Variants in TENM3 observed in about 807,000 individuals in gnomAD.
The protein encoded by TENM3 is teneurin transmembrane protein 3.
In TENM3, 63 loss-of-function variants were observed where a neutral mutation model predicts 255.1. That is an observed-to-expected ratio of 0.25 (90% confidence interval 0.20 to 0.30). The LOEUF is 0.30. Ranked by LOEUF, TENM3 falls within the 10% of genes least tolerant of loss-of-function variation. TENM3 has a pLI of 1.00. For missense variants in TENM3, 2,929 were observed against 3,461.1 expected (o/e 0.85, Z 3.86); for synonymous variants, 1,306 against 1,322.3 (o/e 0.99, Z 0.27).
At chr4:182,109,823 T>G in the TENM3 span, among the ~76,000 whole-genome samples, 1 of 152,206 alleles carries the variant, frequency 6.6e-6, no homozygotes, top group African/African-American at 2.4e-5. Flanking sequence ...GGATGAGGCT[T>G]AGAAATCATG....
the TENM3 span, among the ~76,000 whole-genome samples, chr4:181,479,435 A>G: frequency 6.6e-6 from 1 of 152,222 alleles, no homozygotes; most frequent in Non-Finnish European, 1.5e-5. Flanking sequence ...GGTCTTTGCC[A>G]GAGGACTTAA....
At chr4:181,781,522 A>C in the TENM3 span, among the ~76,000 whole-genome samples, 4 of 152,204 alleles carry the variant, frequency 2.6e-5, no homozygotes, top group Non-Finnish European at 5.9e-5. Context: ...TTTGGGGCTG[A>C]GATGATGGGG....
chr4:182,371,229 T>TCACACACACACACACA (rs3221610), intron 3 of TENM3, among the ~76,000 whole-genome samples: 24 of 144,312 alleles, frequency 1.7e-4, no homozygotes, highest in Non-Finnish European at 2.4e-4. Flanking sequence ...CTCCTCCCCA[T>TCACACACACACACACA]CACACACACA....
At chr4:182,258,590 G>T (rs1042515924) in intron 1 of TENM3, among the ~76,000 whole-genome samples, 6 of 152,014 alleles carry the variant, frequency 3.9e-5, no homozygotes, top group African/African-American at 7.2e-5. Context: ...TCAAAGAACA[G>T]GTATTGTTAT....
the TENM3 span, among the ~76,000 whole-genome samples, chr4:181,906,842 A>T: frequency 1.8e-3 from 280 of 152,168 alleles, 1 homozygote; most frequent in South Asian, 0.021. Context: ...CCACCACTGT[A>T]CTAGGCTTCT....
At chr4:181,730,294 C>T in the TENM3 span, among the ~76,000 whole-genome samples, 1 of 152,180 alleles carries the variant, frequency 6.6e-6, no homozygotes, top group Non-Finnish European at 1.5e-5. Flanking sequence ...CTTTGGTGCA[C>T]AGTCTCTAGA....
At chr4:182,243,271 C>A (rs149418510), upstream of TENM3, among the ~76,000 whole-genome samples, 193 of 152,262 alleles carry the variant, frequency 1.3e-3, 1 homozygote, top group East Asian at 0.023. Context: ...TGCACCACCA[C>A]GCCCAGATAA....
At chr4:182,529,155 A>T (rs1435279065) in intron 3 of TENM3, among the ~76,000 whole-genome samples, 3 of 152,212 alleles carry the variant, frequency 2.0e-5, no homozygotes, top group Non-Finnish European at 4.4e-5. Flanking sequence ...ATATTTTCAT[A>T]TAGAAAGGAA....
intron 3 of TENM3, among the ~76,000 whole-genome samples, chr4:182,505,717 A>G (rs988387725): frequency 6.6e-6 from 1 of 152,014 alleles, no homozygotes; most frequent in African/African-American, 2.4e-5. Context: ...TGGCCTTCCA[A>G]GGTGCTGGGA....
At chr4:182,743,449 C>T in intron 19 of TENM3, 30 bp downstream of exon 19, 1 of 1,605,998 alleles carries the variant, frequency 6.2e-7, no homozygotes. Context: ...GGGCTTTTAA[C>T]CAAAGCTAAA....
chr4:182,369,572 T>C (rs995977296), intron 3 of TENM3, among the ~76,000 whole-genome samples: 3 of 152,190 alleles, frequency 2.0e-5, no homozygotes, highest in African/African-American at 7.2e-5. Flanking sequence ...TAGTTTAAGA[T>C]GTAATCCTGC....
chr4:182,638,607 A>C (rs1417253973), intron 5 of TENM3, among the ~76,000 whole-genome samples: 1 of 152,204 alleles, frequency 6.6e-6, no homozygotes, highest in East Asian at 1.9e-4. Context: ...AAAAGATTTC[A>C]TGTTATTAAT....
chr4:182,465,944 A>T (rs1380133345), intron 3 of TENM3, among the ~76,000 whole-genome samples: 1 of 152,162 alleles, frequency 6.6e-6, no homozygotes, highest in Non-Finnish European at 1.5e-5. Context: ...AAGTACACCC[A>T]AGTCTCATTT....
the TENM3 span, among the ~76,000 whole-genome samples, chr4:181,644,503 C>T: frequency 6.6e-6 from 1 of 151,902 alleles, no homozygotes; most frequent in Non-Finnish European, 1.5e-5. Context: ...AAATTCATAC[C>T]CCATGCTTCT....
At chr4:182,626,977 G>C (rs1750877999) in intron 4 of TENM3, among the ~76,000 whole-genome samples, 2 of 152,120 alleles carry the variant, frequency 1.3e-5, no homozygotes, top group South Asian at 4.1e-4. Context: ...GGAAATGATA[G>C]ACCAGGGACT....
At chr4:182,019,024 G>C in the TENM3 span, among the ~76,000 whole-genome samples, 1 of 152,148 alleles carries the variant, frequency 6.6e-6, no homozygotes, top group South Asian at 2.1e-4. Context: ...TCTCAGCAAG[G>C]TGTCCATGAA....
chr4:182,270,317 T>C (rs1156381801), intron 1 of TENM3, among the ~76,000 whole-genome samples: 2 of 152,216 alleles, frequency 1.3e-5, no homozygotes, highest in African/African-American at 2.4e-5. Context: ...TTTAAGAATA[T>C]GCCAAAGAAA....
chr4:182,319,404 G>T (rs1762919018), intron 1 of TENM3, among the ~76,000 whole-genome samples: 2 of 152,214 alleles, frequency 1.3e-5, no homozygotes, highest in Admixed American at 6.5e-5. Context: ...TGCAAATATT[G>T]CAGTGTAGAT....
Position 182,800,383 on chromosome 4 carries a change from C to A in TENM3, c.*32C>A. On this transcript the variant is annotated 3_prime_UTR_variant, in exon 28 of 28. Transcript: ENST00000511685. ...GGCCGCGCCCGCCGAGCCGCTCACGCCCTGCCCACATTGTCCTGTGGCACA... is the reference window on the plus strand; with the variant it reads ...GGCCGCGCCCGCCGAGCCGCTCACGACCTGCCCACATTGTCCTGTGGCACA... The A allele has an allele frequency of 6.5e-7, 1 of 1,531,686 alleles. No individual in the cohort carries two copies. The highest frequency in any genetic ancestry group is 8.7e-7 in the Non-Finnish European group (1 of 1,146,098). 94.9% of individuals were successfully genotyped at this position (1,531,686 alleles called of 1,614,324 possible).
Sources: gnomAD v4.1 joint callset for allele counts (sites outside exome capture counted in the v4.1 genomes callset) on GRCh38, gnomAD v4.1.1 for gene constraint, MANE v1.5 for transcripts, NCBI Gene and HGNC (gene_info 2026-07-23, HGNC 2026-07-21) for gene names.